CALD1: variants seen among roughly 807,000 people sequenced by gnomAD.
CALD1 encodes caldesmon.
In CALD1, 33 loss-of-function variants were observed where a neutral mutation model predicts 99.9. The ratio of observed to expected loss-of-function variants is 0.33; its 90% CI spans 0.25 to 0.44. The LOEUF (loss-of-function observed/expected upper bound fraction) is 0.44. Among genes scored for constraint, CALD1 ranks in the 20% least tolerant of loss-of-function variants. The pLI is 1.00. For missense variants in CALD1, 861 were observed against 962.1 expected (o/e 0.89, Z 1.39); for synonymous variants, 310 against 325.0 (o/e 0.95, Z 0.50).
intron 6 of CALD1, among the ~76,000 whole-genome samples, chr7:134,937,347 C>T (rs977594955): frequency 6.6e-6 from 1 of 152,148 alleles, no homozygotes; most frequent in East Asian, 1.9e-4. Flanking sequence ...TGAGTGAGCC[C>T]TGCCGTTTTC....
intron 7 of CALD1, among the ~76,000 whole-genome samples, chr7:134,946,190 A>AT (rs1329960404): frequency 2.0e-5 from 3 of 152,112 alleles, no homozygotes; most frequent in African/African-American, 7.2e-5. Context: ...AAATTATAGT[A>AT]TATCAGTATG....
intron 1 of CALD1, among the ~76,000 whole-genome samples, chr7:134,825,054 T>C (rs1208261330): frequency 6.6e-6 from 1 of 152,208 alleles, no homozygotes; most frequent in Non-Finnish European, 1.5e-5. Context: ...CACATTTTTA[T>C]CATGGTACCA....
At chr7:134,821,584 AT>A (rs374476476) in intron 1 of CALD1, among the ~76,000 whole-genome samples, 23,354 of 134,676 alleles carry the variant, frequency 0.17, 1,948 homozygotes, top group East Asian at 0.26. Flanking sequence ...AGTCAACGAC[AT>A]TTTTTTTTTT....
upstream of CALD1, among the ~76,000 whole-genome samples, chr7:134,743,036 C>A (rs1351434563): frequency 1.3e-5 from 2 of 152,174 alleles, no homozygotes; most frequent in African/African-American, 4.8e-5. Context: ...AATCTAAGAT[C>A]TTATACTCAT....
At chr7:134,923,757 G>A (rs1477198187) in intron 3 of CALD1, among the ~76,000 whole-genome samples, 1 of 152,172 alleles carries the variant, frequency 6.6e-6, no homozygotes, top group African/African-American at 2.4e-5. Context: ...ATTCTGCTTT[G>A]TGGTGAAATT....
chr7:134,739,568 T>C (rs1391173017), upstream of CALD1, among the ~76,000 whole-genome samples: 1 of 152,176 alleles, frequency 6.6e-6, no homozygotes, highest in East Asian at 1.9e-4. Context: ...TGATGTGCAC[T>C]ACTCCCAGGC....
At chr7:134,941,814 C>A (rs1806467541) in intron 7 of CALD1, among the ~76,000 whole-genome samples, 1 of 152,060 alleles carries the variant, frequency 6.6e-6, no homozygotes, top group Non-Finnish European at 1.5e-5. Flanking sequence ...AGGTATGGAC[C>A]TACTGCTCTA....
chr7:134,860,072 T>C (rs1462371287), intron 2 of CALD1, among the ~76,000 whole-genome samples: 1 of 152,162 alleles, frequency 6.6e-6, no homozygotes, highest in Non-Finnish European at 1.5e-5. Context: ...TTCCATTGAT[T>C]AGAGAAAAGA....
At chr7:134,738,549 C>A in the CALD1 span, among the ~76,000 whole-genome samples, 1 of 152,104 alleles carries the variant, frequency 6.6e-6, no homozygotes, top group Non-Finnish European at 1.5e-5. Flanking sequence ...ATTATCTGGC[C>A]TCCAATTAAA....
chr7:134,765,949 CCTCTCTCTCTCTCTCTTTCT>C (rs1318696130), intron 1 of CALD1, among the ~76,000 whole-genome samples: 1 of 149,958 alleles, frequency 6.7e-6, no homozygotes, highest in Non-Finnish European at 1.5e-5. Context: ...GTGTATGGCA[CCTCTCTCTCTCTCTCTTTCT>C]CTCTCTCTCT....
intron 7 of CALD1, among the ~76,000 whole-genome samples, chr7:134,944,979 A>G (rs2133095576): frequency 6.6e-6 from 1 of 152,334 alleles, no homozygotes; most frequent in East Asian, 1.9e-4. Context: ...AATTTATTAA[A>G]GAAACTCAGG....
At position 134,865,175 on chromosome 7, in the gene CALD1, AG is replaced by A. The variant is rs1475080630; in HGVS notation, c.-41-2517del. 7.9e-5 allele frequency among the ~76,000 whole-genome samples: 12 copies of A among 151,664 alleles called. 1 individual carries two copies. In the South Asian group the frequency reaches 1.1e-3, roughly 13 times the overall value. The stretch of plus-strand genomic sequence containing the variant: ...GGGACTGGGGACGTAGAAGAGAAAA[AG>A]AAAATCACTTACCATTCTACCTAGA... On this transcript the variant is annotated intron_variant, in intron 2 of 14. Transcript: ENST00000361675.
At chr7:134,792,226 T>C (rs1797564294) in intron 1 of CALD1, among the ~76,000 whole-genome samples, 1 of 152,090 alleles carries the variant, frequency 6.6e-6, no homozygotes, top group African/African-American at 2.4e-5. Flanking sequence ...TTGTAGATGG[T>C]TATCTTTGTG....
chr7:134,899,253 G>C (rs1165236971), intron 3 of CALD1, among the ~76,000 whole-genome samples: 1 of 149,756 alleles, frequency 6.7e-6, no homozygotes, highest in African/African-American at 2.5e-5. Flanking sequence ...GTTGAGGCTG[G>C]AGTGCAATGG....
intron 1 of CALD1, among the ~76,000 whole-genome samples, chr7:134,760,583 T>C (rs1309872614): frequency 2.0e-5 from 3 of 152,250 alleles, no homozygotes; most frequent in Non-Finnish European, 4.4e-5. Context: ...AATGGTGTTT[T>C]TGTTTTTGGT....
chr7:134,900,264 G>A (rs892008896), intron 3 of CALD1, among the ~76,000 whole-genome samples: 4 of 152,114 alleles, frequency 2.6e-5, no homozygotes, highest in African/African-American at 9.7e-5. Context: ...GCTTTTAGCT[G>A]ATTTCATGAC....
chr7:134,891,823 G>C, intron 3 of CALD1: 1 of 661,874 alleles, frequency 1.5e-6, no homozygotes, highest in East Asian at 2.8e-5. Context: ...AATGCAGTGA[G>C]TGTGTGAGTT....
chr7:134,875,040 A>G (rs1181874749), intron 3 of CALD1, among the ~76,000 whole-genome samples: 2 of 152,236 alleles, frequency 1.3e-5, no homozygotes, highest in Admixed American at 6.5e-5. Context: ...TTTTATCATC[A>G]GAACATTATT....
At chr7:134,901,522 A>G (rs1563080883) in intron 3 of CALD1, among the ~76,000 whole-genome samples, 1 of 152,084 alleles carries the variant, frequency 6.6e-6, no homozygotes, top group African/African-American at 2.4e-5. Context: ...TCACAAAAGC[A>G]TGAGTGACTG....
Sources: gnomAD v4.1 joint callset for allele counts (sites outside exome capture counted in the v4.1 genomes callset) on GRCh38, gnomAD v4.1.1 for gene constraint, MANE v1.5 for transcripts, NCBI Gene and HGNC (gene_info 2026-07-23, HGNC 2026-07-21) for gene names.